PAPPA2: variants seen among roughly 807,000 people sequenced by gnomAD.
PAPPA2 encodes pappalysin-2.
A neutral mutation model predicts 176.4 loss-of-function variants in PAPPA2; 86 were observed. The observed-to-expected ratio is 0.49, with a 90% CI of 0.41 to 0.58. The LOEUF (loss-of-function observed/expected upper bound fraction) is 0.58, where lower values mean the gene tolerates loss of function less well. Among genes scored for constraint, PAPPA2 ranks in the 20% least tolerant of loss-of-function variants. PAPPA2 has a pLI of 0.00. For missense variants in PAPPA2, 2,073 were observed against 2,256.9 expected (o/e 0.92, Z 1.65); for synonymous variants, 809 against 852.2 (o/e 0.95, Z 0.88).
rs791027 is a variant in PAPPA2 at position 176,708,524 on chromosome 1, T to G, written c.3458-1459T>G. 6.4e-3 allele frequency among the ~76,000 whole-genome samples: 966 copies of G among 151,412 alleles called. 12 individuals are homozygous for G. Among genetic ancestry groups the G allele is most frequent in the African/African-American group, 0.022 (907 of 41,178 alleles). On this transcript the variant is annotated intron_variant, in intron 10 of 22. Transcript: ENST00000367662. ...AAGAAAAACAAAACAAAACTATACG[T>G]ACATGTAGAGAGAGAGAGAGAGAGA...
chr1:176,541,970 GA>G (rs1176033240), intron 1 of PAPPA2, among the ~76,000 whole-genome samples: 1 of 152,110 alleles, frequency 6.6e-6, no homozygotes, highest in East Asian at 1.9e-4. Flanking sequence ...TCAACATAAA[GA>G]AAAATACCTA....
At chr1:176,717,884 A>G (rs546564863) in intron 12 of PAPPA2, among the ~76,000 whole-genome samples, 1 of 152,362 alleles carries the variant, frequency 6.6e-6, no homozygotes, top group South Asian at 2.1e-4. Flanking sequence ...TTTTTCATCT[A>G]CATTCATTAG....
At chr1:176,482,599 A>G (rs1258686791) in intron 1 of PAPPA2, among the ~76,000 whole-genome samples, 2 of 152,174 alleles carry the variant, frequency 1.3e-5, no homozygotes, top group African/African-American at 2.4e-5. Context: ...TCACTGAAAT[A>G]CCATAAGAAT....
At chr1:176,612,889 G>T (rs1447288526) in intron 3 of PAPPA2, among the ~76,000 whole-genome samples, 1 of 152,172 alleles carries the variant, frequency 6.6e-6, no homozygotes, top group African/African-American at 2.4e-5. Context: ...GGAGGTCGGG[G>T]AGGAAGGGAG....
intron 20 of PAPPA2, among the ~76,000 whole-genome samples, chr1:176,796,931 C>A (rs1000346692): frequency 6.6e-6 from 1 of 151,386 alleles, no homozygotes; most frequent in Non-Finnish European, 1.5e-5. Flanking sequence ...TCTTTTCTTC[C>A]TTTCTTTTCC....
At position 176,578,500 on chromosome 1, in the gene PAPPA2, G is replaced by A. The variant is rs1226779393; in HGVS notation, c.920-16024G>A. On this transcript the variant is annotated intron_variant, in intron 2 of 22. Transcript: ENST00000367662. Reference sequence around the variant, plus strand: ...GACTTCAGGAGCAGAGTGGGAACAAGGAAATACAACCCATCCTTTCTTGTT... The same window carrying A: ...GACTTCAGGAGCAGAGTGGGAACAAAGAAATACAACCCATCCTTTCTTGTT... Among the ~76,000 whole-genome samples, 4 of 152,168 alleles carry A rather than the reference G, an allele frequency of 2.6e-5. No homozygotes were observed. The East Asian group carries it at 5.8e-4, about 22-fold the overall frequency.
At chr1:176,670,880 G>A in intron 3 of PAPPA2, 90 bp from the exon 4 acceptor site, 1 of 1,512,526 alleles carries the variant, frequency 6.6e-7, no homozygotes. Flanking sequence ...CTGGCTGGGA[G>A]TGCCATTAGA....
chr1:176,674,981 G>A (rs1659213890), intron 4 of PAPPA2, among the ~76,000 whole-genome samples: 1 of 151,936 alleles, frequency 6.6e-6, no homozygotes, highest in Non-Finnish European at 1.5e-5. Context: ...CTTTCTTGCA[G>A]GAGTAATGTG....
At chr1:176,573,373 C>T (rs980449299) in intron 2 of PAPPA2, among the ~76,000 whole-genome samples, 2 of 152,168 alleles carry the variant, frequency 1.3e-5, no homozygotes, top group Non-Finnish European at 2.9e-5. Context: ...TCTGACATCT[C>T]ACATTCTAGA....
chr1:176,710,241 TAC>T, intron 11 of PAPPA2, 65 bp downstream of exon 11: 1 of 1,402,250 alleles, frequency 7.1e-7, no homozygotes, highest in Non-Finnish European at 9.9e-7. Context: ...CCCCTATGCT[TAC>T]ACTTGGGGTC....
At chr1:176,729,053 C>A (rs1332014328) in intron 12 of PAPPA2, among the ~76,000 whole-genome samples, 1 of 151,644 alleles carries the variant, frequency 6.6e-6, no homozygotes, top group Non-Finnish European at 1.5e-5. Context: ...AGGTTTTTTT[C>A]TCTTTAATTA....
At chr1:176,639,718 TC>T (rs1390789630) in intron 3 of PAPPA2, among the ~76,000 whole-genome samples, 1 of 147,124 alleles carries the variant, frequency 6.8e-6, no homozygotes, top group African/African-American at 2.4e-5. Context: ...TCTTTTTCTT[TC>T]TTTTTTTTTT....
At chr1:176,674,494 A>G (rs533744420) in intron 4 of PAPPA2, among the ~76,000 whole-genome samples, 1 of 152,164 alleles carries the variant, frequency 6.6e-6, no homozygotes, top group South Asian at 2.1e-4. Context: ...TCCCACTTAT[A>G]AGTGATAATA....
intron 5 of PAPPA2, chr1:176,690,670 T>C (rs1660077717): frequency 7.6e-7 from 1 of 1,323,082 alleles, no homozygotes. Context: ...TTTTAAAATA[T>C]ACTTCTATCC....
chr1:176,627,047 C>T (rs1656069659), intron 3 of PAPPA2, among the ~76,000 whole-genome samples: 1 of 151,786 alleles, frequency 6.6e-6, no homozygotes, highest in Non-Finnish European at 1.5e-5. Context: ...ATCTGAGGAG[C>T]TTCCTTTATT....
intron 1 of PAPPA2, among the ~76,000 whole-genome samples, chr1:176,475,226 T>A (rs1274025586): frequency 2.0e-5 from 3 of 152,220 alleles, no homozygotes; most frequent in Non-Finnish European, 4.4e-5. Context: ...AGCCACACTG[T>A]CATTTGCTCC....
chr1:176,744,904 G>A (rs1441602012), intron 14 of PAPPA2, among the ~76,000 whole-genome samples: 4 of 152,064 alleles, frequency 2.6e-5, no homozygotes, highest in Non-Finnish European at 1.5e-5. Context: ...TATATTGTTA[G>A]TATTTAAATG....
intron 17 of PAPPA2, among the ~76,000 whole-genome samples, chr1:176,771,732 C>T (rs1664234760): frequency 6.6e-6 from 1 of 152,138 alleles, no homozygotes; most frequent in Non-Finnish European, 1.5e-5. Context: ...TATCTTTCTC[C>T]TTTCTTCTTC....
At chr1:176,805,398 T>C (rs1223904161) in intron 21 of PAPPA2, among the ~76,000 whole-genome samples, 1 of 152,170 alleles carries the variant, frequency 6.6e-6, no homozygotes, top group Non-Finnish European at 1.5e-5. Flanking sequence ...TTTTGATCTC[T>C]TCAACTCTTT....
Sources: gnomAD v4.1 joint callset for allele counts (sites outside exome capture counted in the v4.1 genomes callset) on GRCh38, gnomAD v4.1.1 for gene constraint, MANE v1.5 for transcripts, NCBI Gene and HGNC (gene_info 2026-07-23, HGNC 2026-07-21) for gene names.